NACC2: variants seen among roughly 807,000 people sequenced by gnomAD.
The protein encoded by NACC2 is nucleus accumbens-associated protein 2.
NACC2 carries 8 observed loss-of-function variants against 25.1 expected under a neutral mutation model. That is an observed-to-expected ratio of 0.32 (90% CI 0.19 to 0.57). NACC2 has a LOEUF of 0.57. Ranked by LOEUF, NACC2 falls within the 20% of genes least tolerant of loss-of-function variation. The pLI is 0.89. For missense variants in NACC2, 644 were observed against 650.2 expected, an observed-to-expected ratio of 0.99 and a Z score of 0.10; for synonymous variants, 435 against 294.7, an observed-to-expected ratio of 1.48 and a Z score of -4.88.
intron 1 of NACC2, among the ~76,000 whole-genome samples, chr9:136,057,856 G>A (rs939262050): frequency 1.3e-5 from 2 of 152,208 alleles, no homozygotes; most frequent in East Asian, 3.9e-4. Flanking sequence ...CCCAGGCACC[G>A]ACAGTCAGAG....
chr9:136,061,291 G>A (rs1275627994), intron 1 of NACC2, among the ~76,000 whole-genome samples: 1 of 152,132 alleles, frequency 6.6e-6, no homozygotes, highest in Admixed American at 6.5e-5. Context: ...CCAGCCTCCA[G>A]CCACTGGGAC....
At chr9:136,027,723 T>A (rs1840414660) in intron 2 of NACC2, among the ~76,000 whole-genome samples, 1 of 152,098 alleles carries the variant, frequency 6.6e-6, no homozygotes, top group African/African-American at 2.4e-5. Context: ...GCAGTGCTGA[T>A]CAGGAAATAT....
chr9:136,027,110 A>C (rs1840403874), intron 2 of NACC2, among the ~76,000 whole-genome samples: 1 of 152,204 alleles, frequency 6.6e-6, no homozygotes, highest in African/African-American at 2.4e-5. Context: ...CTGTAGTCCC[A>C]ACTACTCGGG....
At chr9:136,073,390 G>A (rs1465494652) in intron 1 of NACC2, among the ~76,000 whole-genome samples, 4 of 151,822 alleles carry the variant, frequency 2.6e-5, no homozygotes, top group African/African-American at 4.8e-5. Context: ...TGGTCTTACC[G>A]CTGCACTCCA....
At chr9:136,065,981 G>A (rs1841075556) in intron 1 of NACC2, among the ~76,000 whole-genome samples, 1 of 152,082 alleles carries the variant, frequency 6.6e-6, no homozygotes, top group Non-Finnish European at 1.5e-5. Context: ...ATAACCTGAG[G>A]TCAGGAGTTT....
intron 2 of NACC2, among the ~76,000 whole-genome samples, chr9:136,032,261 T>C (rs1395544125): frequency 1.3e-5 from 2 of 152,224 alleles, no homozygotes; most frequent in African/African-American, 2.4e-5. Context: ...GAATACGAAG[T>C]TATTTCAATA....
intron 1 of NACC2, among the ~76,000 whole-genome samples, chr9:136,056,098 A>G (rs979054262): frequency 6.6e-6 from 1 of 152,140 alleles, no homozygotes; most frequent in African/African-American, 2.4e-5. Context: ...TAGGGAGGAC[A>G]AGGGGGCGGC....
chr9:136,049,739 G>A lies in NACC2; in HGVS notation c.783C>T (p.Thr261=), dbSNP rs1286471105. The change falls in exon 2 of 6, where the codon ACC becomes ACT. Residue 261 remains threonine (T), a synonymous_variant. Coordinates refer to ENST00000277554, the MANE Select transcript of NACC2 (RefSeq NM_144653.5). ...CCTCGTCCTCCTCGTTGTGGTACGAGGTGGGGCTGTCGGTGGTGGGCAGGC... is the reference window on the plus strand; with the variant it reads ...CCTCGTCCTCCTCGTTGTGGTACGAAGTGGGGCTGTCGGTGGTGGGCAGGC... ...ASSLPTTDSP[T]SYHNEEDEED... 3 of 778,816 alleles carry A rather than the reference G, an allele frequency of 3.9e-6. No individual in the cohort carries two copies. Among genetic ancestry groups the A allele is most frequent in the East Asian group, 4.9e-5 (2 of 41,222 alleles). 48.2% of individuals were successfully genotyped at this position (778,816 alleles called of 1,614,324 possible). A position where few individuals can be genotyped will look rare whatever the true frequency, so the allele number is the denominator to read the frequency against.
At chr9:136,087,970 T>C (rs763078824) in intron 1 of NACC2, among the ~76,000 whole-genome samples, 1 of 138,712 alleles carries the variant, frequency 7.2e-6, no homozygotes, top group African/African-American at 2.6e-5. Context: ...GGAGGTGACC[T>C]GGGGACTCTG....
chr9:136,038,222 C>G (rs1443045720), intron 2 of NACC2, among the ~76,000 whole-genome samples: 1 of 152,132 alleles, frequency 6.6e-6, no homozygotes, highest in Non-Finnish European at 1.5e-5. Context: ...GGGGAGGTGA[C>G]TACATGACTA....
At position 136,009,731 on chromosome 9, in the gene NACC2, T is replaced by C. The variant is rs1005953631; in HGVS notation, c.*1785A>G. The stretch of plus-strand genomic sequence containing the variant: ...CACCCTGTAGGTCCCCAGGCCAGGG[T>C]GCAGCACATGGTCCTCCCCTAGCGG... On this transcript the variant is annotated 3_prime_UTR_variant, in exon 6 of 6. Coordinates refer to ENST00000277554, the MANE Select transcript of NACC2 (RefSeq NM_144653.5). 1.3e-5 allele frequency: 2 copies of C among 152,212 alleles called. No homozygotes were observed. Among genetic ancestry groups the C allele is most frequent in the Non-Finnish European group, 2.9e-5 (2 of 68,118 alleles). 9.4% of individuals were successfully genotyped at this position (152,212 alleles called of 1,614,324 possible).
At chr9:136,057,376 G>A (rs778584889) in intron 1 of NACC2, among the ~76,000 whole-genome samples, 8 of 152,176 alleles carry the variant, frequency 5.3e-5, no homozygotes, top group Non-Finnish European at 1.2e-4. Flanking sequence ...AGGGTGGGGA[G>A]GGACAGCTGG....
chr9:136,013,551 G>A lies in NACC2; in HGVS notation c.1158-255C>T, dbSNP rs1840146705. Among the ~76,000 whole-genome samples the A allele has an allele frequency of 6.6e-6, 1 of 152,236 alleles. No homozygotes were observed. Among genetic ancestry groups the A allele is most frequent in the Non-Finnish European group, 1.5e-5 (1 of 68,046 alleles). On this transcript the variant is annotated intron_variant, in intron 4 of 5. Transcript: ENST00000277554. The surrounding 1 kb of genome is among the most constrained non-coding windows in gnomAD (Gnocchi z 6.6). ...CCTTGTCCTCAGGGACTCCGGGGAC[G>A]TCTGAGGAAGCCGCTGTGTCCTCGG...
rs573944070 is a variant in NACC2, at chr9:136,093,601, C to G, written c.-60+1588G>C. 1.6e-4 allele frequency among the ~76,000 whole-genome samples: 24 copies of G among 152,360 alleles called. No individual in the cohort carries two copies. The South Asian group carries it at 5.0e-3, about 32-fold the overall frequency. On this transcript the variant is annotated intron_variant, in intron 1 of 5. Coordinates refer to ENST00000277554, the MANE Select transcript of NACC2 (RefSeq NM_144653.5). ...TCTTGTTCCACTCTCTGTGCCCATT[C>G]CAAGTGGCTTTGCCGAAAGGACAGG...
rs1162653780 is a variant in NACC2 at position 136,011,731 on chromosome 9, C to G, written c.1549G>C (p.Asp517His). Residue 517 changes from aspartate (D) to histidine (H), a missense_variant, in exon 6 of 6, where the codon GAC becomes CAC. By Grantham distance (81) the Asp-to-His change is moderately conservative. Coordinates refer to ENST00000277554, the MANE Select transcript of NACC2 (RefSeq NM_144653.5). ...GCGGGGTTGGCGGCGGCACTCAGGT[C>G]AACATTCACGGCGTCAGTTCTCAGA... ...VALRTDAVNV[D>H]LSAAANPAFD... The G allele has an allele frequency of 6.5e-7, 1 of 1,535,846 alleles. No homozygotes were observed. Among genetic ancestry groups the G allele is most frequent in the Non-Finnish European group, 8.8e-7 (1 of 1,141,646 alleles).
At position 136,011,987 on chromosome 9, in the gene NACC2, G is replaced by A. The variant is rs772212070; in HGVS notation, c.1293C>T (p.Ser431=). ...CQNFAPSFKE[S]EMNVIAADMC... Reference sequence around the variant, plus strand: ...TGTCCGCGGCGATCACGTTCATCTCGCTCTCCTTGAAGCTGGGGGCGAAGT... The same window carrying A: ...TGTCCGCGGCGATCACGTTCATCTCACTCTCCTTGAAGCTGGGGGCGAAGT... The change falls in exon 6 of 6, where the codon AGC becomes AGT. Residue 431 remains serine, a synonymous_variant. Transcript: ENST00000277554. 1.5e-5 allele frequency: 24 copies of A among 1,602,150 alleles called. No individual in the cohort carries two copies. The highest frequency in any genetic ancestry group is 8.0e-5 in the African/African-American group (6 of 74,686).
In NACC2 at chr9:136,011,900, C is replaced by T. The variant is rs368119183; in HGVS notation, c.1380G>A (p.Pro460=). 1.0e-5 allele frequency: 16 copies of T among 1,583,682 alleles called. No homozygotes were observed. Among genetic ancestry groups the T allele is most frequent in the East Asian group, 2.3e-5 (1 of 43,060 alleles). The change falls in exon 6 of 6, where the codon CCG becomes CCA. Residue 460 remains proline, a synonymous_variant. Transcript: ENST00000277554. ...RWLPKIKSML[P]EGVEMYRTVM... ...CCGTGCGGTACATCTCCACGCCCTC[C>T]GGCAGCATGGACTTGATCTTGGGCA...
intron 2 of NACC2, among the ~76,000 whole-genome samples, chr9:136,038,254 G>GGCT (rs1840582573): frequency 6.6e-6 from 1 of 152,208 alleles, no homozygotes; most frequent in Admixed American, 6.5e-5. Context: ...TTAAACACCA[G>GGCT]GCTGGGCGTG....
intron 3 of NACC2, among the ~76,000 whole-genome samples, chr9:136,015,346 G>A (rs879344776): frequency 2.0e-5 from 3 of 152,194 alleles, no homozygotes; most frequent in Non-Finnish European, 4.4e-5. Context: ...AAGCAGTGCC[G>A]GGGCAGGGTG....
Sources: allele counts gnomAD v4.1 joint callset (sites outside exome capture counted in the v4.1 genomes callset), GRCh38; gene constraint gnomAD v4.1.1; non-coding constraint Gnocchi (gnomAD v3.1); transcripts MANE v1.5; gene names NCBI Gene and HGNC (gene_info 2026-07-23, HGNC 2026-07-21).